CSMD1: variants seen among roughly 807,000 people sequenced by gnomAD.
CSMD1 encodes the protein CUB and Sushi multiple domains 1.
In CSMD1, 213 loss-of-function variants were observed where a neutral mutation model predicts 417.5. The observed-to-expected ratio is 0.51, with a 90% CI of 0.46 to 0.57. The LOEUF is 0.57. Ranked by LOEUF, CSMD1 falls within the 20% of genes least tolerant of loss-of-function variation. CSMD1 has a pLI of 0.00. For synonymous variants in CSMD1, 2,862 were observed against 1,736.8 expected (o/e 1.65, Z -16.11); for missense variants, 6,923 against 4,529.7 (o/e 1.53, Z -15.17).
intron 8 of CSMD1, among the ~76,000 whole-genome samples, chr8:3,610,478 T>TG (rs1801837454): frequency 6.6e-6 from 1 of 152,132 alleles, no homozygotes; most frequent in Non-Finnish European, 1.5e-5. Flanking sequence ...GAGATTACAG[T>TG]ACTCCAGGCT....
At chr8:3,406,465 G>T (rs754754659) in intron 14 of CSMD1, among the ~76,000 whole-genome samples, 64 of 152,154 alleles carry the variant, frequency 4.2e-4, no homozygotes, top group Non-Finnish European at 7.9e-4. Context: ...TTTAGGGTTT[G>T]AAAAGCACTT....
intron 5 of CSMD1, among the ~76,000 whole-genome samples, chr8:3,915,500 CAG>C (rs932522389): frequency 7.4e-5 from 11 of 149,022 alleles, no homozygotes; most frequent in Admixed American, 1.3e-4. Flanking sequence ...TGACATGAAA[CAG>C]GACATTACTG....
At chr8:4,450,489 T>C (rs771122219) in intron 2 of CSMD1, among the ~76,000 whole-genome samples, 29 of 152,062 alleles carry the variant, frequency 1.9e-4, no homozygotes, top group South Asian at 4.2e-4. Context: ...ACAAAAATTA[T>C]CTGCGTGTGG....
intron 17 of CSMD1, among the ~76,000 whole-genome samples, chr8:3,390,902 A>G (rs1811308443): frequency 6.6e-6 from 1 of 152,068 alleles, no homozygotes; most frequent in Non-Finnish European, 1.5e-5. Flanking sequence ...AGCCTCCGAG[A>G]GGTTTCAAAA....
intron 3 of CSMD1, among the ~76,000 whole-genome samples, chr8:4,142,479 G>A (rs968308359): frequency 3.0e-4 from 46 of 151,184 alleles, no homozygotes; most frequent in Non-Finnish European, 3.4e-4. Flanking sequence ...CTTGTTATTT[G>A]CTAAATTCAC....
intron 3 of CSMD1, among the ~76,000 whole-genome samples, chr8:4,349,809 T>C (rs528349464): frequency 1.3e-5 from 2 of 148,706 alleles, no homozygotes; most frequent in East Asian, 2.0e-4. Flanking sequence ...AAAATTAAAA[T>C]ATGATATGAC....
At chr8:4,498,791 A>G (rs1471975226) in intron 2 of CSMD1, among the ~76,000 whole-genome samples, 1 of 152,162 alleles carries the variant, frequency 6.6e-6, no homozygotes, top group Non-Finnish European at 1.5e-5. Flanking sequence ...CCAAGCTAAC[A>G]GAGTTATTAC....
intron 3 of CSMD1, among the ~76,000 whole-genome samples, chr8:4,089,927 T>C (rs1205418761): frequency 6.6e-6 from 1 of 152,158 alleles, no homozygotes; most frequent in Non-Finnish European, 1.5e-5. Flanking sequence ...GAGGAAAGAA[T>C]ATTACATGTA....
intron 5 of CSMD1, among the ~76,000 whole-genome samples, chr8:3,756,966 A>C (rs1431383032): frequency 6.6e-6 from 1 of 152,008 alleles, no homozygotes; most frequent in African/African-American, 2.4e-5. Flanking sequence ...ATAGTTTTGT[A>C]ATCTTTTAAT....
intron 10 of CSMD1, among the ~76,000 whole-genome samples, chr8:3,561,875 G>C (rs533815305): frequency 4.4e-4 from 67 of 152,344 alleles, no homozygotes; most frequent in Middle Eastern, 3.4e-3. Context: ...GCAGGGGCTA[G>C]CATTCACAGA....
chr8:3,935,722 C>A (rs1055900773), intron 5 of CSMD1, among the ~76,000 whole-genome samples: 1 of 152,088 alleles, frequency 6.6e-6, no homozygotes, highest in Non-Finnish European at 1.5e-5. Flanking sequence ...ATCTCTCTAC[C>A]TCCTTCATTG....
intron 23 of CSMD1, among the ~76,000 whole-genome samples, chr8:3,330,990 C>G (rs1198311629): frequency 6.6e-6 from 1 of 152,088 alleles, no homozygotes; most frequent in Non-Finnish European, 1.5e-5. Context: ...GTGGCTCACG[C>G]CTGTAATCCC....
At chr8:3,895,582 C>G (rs1258377406) in intron 5 of CSMD1, among the ~76,000 whole-genome samples, 3 of 152,140 alleles carry the variant, frequency 2.0e-5, no homozygotes, top group East Asian at 3.9e-4. Context: ...ATGGATTTAC[C>G]TTTCTAATGC....
At chr8:4,001,138 G>C (rs746763782) in intron 4 of CSMD1, among the ~76,000 whole-genome samples, 3 of 151,948 alleles carry the variant, frequency 2.0e-5, no homozygotes, top group Non-Finnish European at 4.4e-5. Context: ...TATTTAAAAA[G>C]CTTTGAAATA....
At position 3,548,102 on chromosome 8, in the gene CSMD1, G is replaced by C. The variant is rs7846330; in HGVS notation, c.1344+26843C>G. Among the ~76,000 whole-genome samples, 1,422 of 152,138 alleles carry C rather than the reference G, an allele frequency of 9.3e-3. 8 individuals carry two copies. The highest frequency in any genetic ancestry group is 0.012 in the Non-Finnish European group (848 of 68,002). On this transcript the variant is annotated intron_variant, in intron 10 of 69. Transcript: ENST00000635120. The stretch of plus-strand genomic sequence containing the variant: ...AAATAGGTCCACCAAAAAAAATACC[G>C]TGCTCAGAAGAGCACTGATAATTAT...
chr8:4,216,035 A>G (rs1182279066), intron 3 of CSMD1, among the ~76,000 whole-genome samples: 1 of 152,208 alleles, frequency 6.6e-6, no homozygotes. Context: ...ACTTCCTGAC[A>G]GCTGCACACC....
At chr8:3,581,074 A>G (rs567635009) in intron 9 of CSMD1, among the ~76,000 whole-genome samples, 1 of 152,186 alleles carries the variant, frequency 6.6e-6, no homozygotes. Flanking sequence ...CTCAGGGAGC[A>G]ACTCAAAATA....
chr8:3,763,115 T>C (rs1240264765), intron 5 of CSMD1, among the ~76,000 whole-genome samples: 1 of 152,198 alleles, frequency 6.6e-6, no homozygotes, highest in African/African-American at 2.4e-5. Context: ...GGGCATGTGG[T>C]AGGCACTCAA....
chr8:4,870,108 A>C (rs1441752245), intron 1 of CSMD1, among the ~76,000 whole-genome samples: 2 of 152,114 alleles, frequency 1.3e-5, no homozygotes, highest in Middle Eastern at 3.2e-3. Flanking sequence ...CACACTCTTG[A>C]TTTATTTATA....
Sources: gnomAD v4.1 joint callset for allele counts (sites outside exome capture counted in the v4.1 genomes callset) on GRCh38, gnomAD v4.1.1 for gene constraint, MANE v1.5 for transcripts, NCBI Gene and HGNC (gene_info 2026-07-23, HGNC 2026-07-21) for gene names.